C9orf85: variants seen among roughly 807,000 people sequenced by gnomAD.
C9orf85 encodes chromosome 9 open reading frame 85, also known as uncharacterized protein C9orf85.
In C9orf85, 16 loss-of-function variants were observed where a neutral mutation model predicts 14.9. That is an observed-to-expected ratio of 1.08 (90% CI 0.73 to 1.63). The LOEUF is 1.63. Among genes scored for constraint, C9orf85 ranks in the 40% most tolerant of loss-of-function variants. C9orf85 has a pLI of 0.00. For missense variants in C9orf85, 172 were observed against 186.1 expected (o/e 0.92, Z 0.44); for synonymous variants, 45 against 56.8 (o/e 0.79, Z 0.93).
chr9:71,931,728 A>C (rs992263450), intron 1 of C9orf85, among the ~76,000 whole-genome samples: 11 of 152,204 alleles, frequency 7.2e-5, no homozygotes, highest in Non-Finnish European at 1.6e-4. Context: ...AATTGTAAAA[A>C]TTGATTTTTA....
intron 1 of C9orf85, among the ~76,000 whole-genome samples, chr9:71,934,550 TC>T (rs1451157553): frequency 1.3e-5 from 2 of 152,012 alleles, no homozygotes; most frequent in Non-Finnish European, 2.9e-5. Flanking sequence ...TGTGTACAAA[TC>T]ATATACCTGA....
intron 1 of C9orf85, among the ~76,000 whole-genome samples, chr9:71,943,264 T>C (rs1821987299): frequency 6.6e-6 from 1 of 151,444 alleles, no homozygotes; most frequent in Non-Finnish European, 1.5e-5. Context: ...TTTTTGTTTG[T>C]TTTTTGTTTT....
intron 2 of C9orf85, among the ~76,000 whole-genome samples, chr9:71,952,599 G>A (rs575083657): frequency 2.1e-4 from 32 of 152,166 alleles, no homozygotes; most frequent in Non-Finnish European, 2.6e-4. Context: ...TCGTGACCTC[G>A]TGATCCGCCC....
chr9:71,933,560 T>G (rs1459053166), intron 1 of C9orf85, among the ~76,000 whole-genome samples: 1 of 152,224 alleles, frequency 6.6e-6, no homozygotes, highest in Non-Finnish European at 1.5e-5. Flanking sequence ...AACTTCTCTT[T>G]GGCATATCTG....
chr9:71,981,603 A>G (rs550065955), intron 3 of C9orf85, among the ~76,000 whole-genome samples: 96 of 152,312 alleles, frequency 6.3e-4, no homozygotes, highest in African/African-American at 2.3e-3. Flanking sequence ...ACTGACTACT[A>G]TATCTTGCTA....
chr9:71,942,997 TTTTATCCTCTA>T (rs754098263), intron 1 of C9orf85, among the ~76,000 whole-genome samples: 5 of 152,184 alleles, frequency 3.3e-5, no homozygotes, highest in Non-Finnish European at 7.3e-5. Context: ...TCCAGGGATC[TTTTATCCTCTA>T]GCCAAATTTA....
At chr9:71,915,642 A>G (rs1195471713) in intron 1 of C9orf85, among the ~76,000 whole-genome samples, 1 of 152,248 alleles carries the variant, frequency 6.6e-6, no homozygotes, top group Non-Finnish European at 1.5e-5. Context: ...AAGGTACTGT[A>G]TAAAAGTGAA....
intron 3 of C9orf85, among the ~76,000 whole-genome samples, chr9:71,979,687 A>T (rs1823061292): frequency 6.6e-6 from 1 of 152,250 alleles, no homozygotes; most frequent in Admixed American, 6.5e-5. Flanking sequence ...AAATATTGAC[A>T]GTAACAACTT....
At chr9:71,932,051 A>G (rs893523072) in intron 1 of C9orf85, among the ~76,000 whole-genome samples, 4 of 152,156 alleles carry the variant, frequency 2.6e-5, no homozygotes, top group African/African-American at 9.6e-5. Context: ...AGGAATGATC[A>G]TTCTTAACAA....
intron 1 of C9orf85, among the ~76,000 whole-genome samples, chr9:71,939,013 G>A (rs1828264563): frequency 6.6e-6 from 1 of 151,642 alleles, no homozygotes; most frequent in African/African-American, 2.4e-5. Context: ...TATACTTGAA[G>A]TGCTGCAAAG....
At chr9:71,952,124 C>T (rs1486260699) in intron 2 of C9orf85, among the ~76,000 whole-genome samples, 1 of 152,124 alleles carries the variant, frequency 6.6e-6, no homozygotes, top group Non-Finnish European at 1.5e-5. Context: ...AAAAGTAAAG[C>T]AGATGGAGGT....
At chr9:71,967,684 A>T (rs1236951571) in intron 2 of C9orf85, among the ~76,000 whole-genome samples, 7 of 143,046 alleles carry the variant, frequency 4.9e-5, no homozygotes, top group South Asian at 4.3e-4. Context: ...AAAGACACTT[A>T]TTTCTTCTTT....
intron 1 of C9orf85, among the ~76,000 whole-genome samples, chr9:71,931,442 T>G (rs572222877): frequency 1.0e-3 from 155 of 152,344 alleles, no homozygotes; most frequent in South Asian, 4.3e-3. Flanking sequence ...GTCACTTGTT[T>G]GGAGCTCAGA....
chr9:71,956,255 T>G (rs1049447221), intron 2 of C9orf85, among the ~76,000 whole-genome samples: 15 of 146,682 alleles, frequency 1.0e-4, no homozygotes, highest in South Asian at 8.8e-4. Context: ...TTTTTTTTTT[T>G]TTTTTTTTTT....
chr9:71,930,282 C>G (rs1828040041), intron 1 of C9orf85, among the ~76,000 whole-genome samples: 1 of 151,952 alleles, frequency 6.6e-6, no homozygotes, highest in Admixed American at 6.6e-5. Flanking sequence ...AACAACCAAG[C>G]AGGGAGCTAA....
Position 71,966,191 on chromosome 9 carries a change from A to G in C9orf85, c.210-5314A>G, listed in dbSNP as rs554519303. ...GTACTGCACTTTACTTTTTTTGTCTATAAATTTGTTCTGACCATGAGGCAT... is the reference window on the plus strand; with the variant it reads ...GTACTGCACTTTACTTTTTTTGTCTGTAAATTTGTTCTGACCATGAGGCAT... On this transcript the variant is annotated intron_variant, in intron 2 of 3. Transcript: ENST00000334731. Among the ~76,000 whole-genome samples the G allele has an allele frequency of 1.3e-3, 202 of 152,226 alleles. 2 individuals carry two copies. The highest frequency in any genetic ancestry group is 3.4e-3 in the Middle Eastern group (1 of 294).
chr9:71,934,108 C>T lies in C9orf85; in HGVS notation c.103-12898C>T, dbSNP rs573149839. ...CCTGTAATCCCAGCACTTTGAGGGGCCAAGGTGGGCAGATCACTTGAGGTC... is the reference window on the plus strand; with the variant it reads ...CCTGTAATCCCAGCACTTTGAGGGGTCAAGGTGGGCAGATCACTTGAGGTC... On this transcript the variant is annotated intron_variant, in intron 1 of 3. Coordinates refer to ENST00000334731, the MANE Select transcript of C9orf85 (RefSeq NM_182505.5). Among the ~76,000 whole-genome samples the T allele has an allele frequency of 4.6e-5, 7 of 152,228 alleles. No homozygotes were observed. The East Asian group carries it at 1.4e-3, about 29-fold the overall frequency.
chr9:71,981,704 C>T (rs566306413), intron 3 of C9orf85, among the ~76,000 whole-genome samples: 1 of 152,012 alleles, frequency 6.6e-6, no homozygotes, highest in Non-Finnish European at 1.5e-5. Flanking sequence ...TATGTATTTC[C>T]TCAATTTATG....
At position 71,911,787 on chromosome 9, in the gene C9orf85, A is replaced by G; in HGVS notation, c.53A>G (p.Asn18Ser). Residue 18 changes from asparagine (N) to serine (S), a missense_variant, in exon 1 of 4, where the codon AAT becomes AGT. Asn to Ser is a conservative substitution (Grantham distance 46). Coordinates refer to ENST00000334731, the MANE Select transcript of C9orf85 (RefSeq NM_182505.5). The stretch of plus-strand genomic sequence containing the variant: ...CGTTCCAGACCTCAGAAGCACCAGA[A>G]TACGTTTAGCTTCAAAAATGACAAG... ...VARSRPQKHQ[N>S]TFSFKNDKFD... The G allele has an allele frequency of 1.9e-6, 3 of 1,614,138 alleles. No individual in the cohort carries two copies. Among genetic ancestry groups the G allele is most frequent in the Non-Finnish European group, 1.7e-6 (2 of 1,180,002 alleles).
Sources: allele counts gnomAD v4.1 joint callset (sites outside exome capture counted in the v4.1 genomes callset), GRCh38; gene constraint gnomAD v4.1.1; transcripts MANE v1.5; gene names NCBI Gene and HGNC (gene_info 2026-07-23, HGNC 2026-07-21).